Variants in TSPAN12 observed in about 807,000 individuals in gnomAD.
TSPAN12 encodes the protein tetraspanin 12, also known as tetraspanin-12.
TSPAN12 carries 19 observed loss-of-function variants against 39.2 expected under a neutral mutation model. That is an observed-to-expected ratio of 0.49 (90% confidence interval 0.34 to 0.71). TSPAN12 has a LOEUF of 0.71. Among genes scored for constraint, TSPAN12 ranks in the 30% least tolerant of loss-of-function variants. TSPAN12 has a pLI of 0.01. For synonymous variants in TSPAN12, 119 were observed against 124.8 expected (o/e 0.95, Z 0.31); for missense variants, 314 against 359.9 (o/e 0.87, Z 1.03).
chr7:120,810,396 T>A, intron 6 of TSPAN12, 67 bp downstream of exon 6: 2 of 1,022,278 alleles, frequency 2.0e-6, no homozygotes, highest in Non-Finnish European at 3.1e-6. Flanking sequence ...AGCTAAAGCT[T>A]TAAACATCTG....
rs1793441147 is a variant in TSPAN12 at position 120,787,984 on chromosome 7, AAC to A, written c.*606_*607del. 6.4e-6 allele frequency: 1 copy of A among 155,216 alleles called. No homozygotes were observed. The highest frequency in any genetic ancestry group is 2.4e-5 in the African/African-American group (1 of 41,468). The allele number at this position is 155,216 out of a possible 1,614,324, so 9.6% of individuals were successfully genotyped here. ...GAAATCGACTGAATTATACAGATTT[AAC>A]ACAGACTTATATACAAAAAATCCCT... On this transcript the variant is annotated 3_prime_UTR_variant, in exon 8 of 8. Coordinates refer to ENST00000222747, the MANE Select transcript of TSPAN12 (RefSeq NM_012338.4).
chr7:120,806,469 T>C, intron 7 of TSPAN12, 80 bp downstream of exon 7: 1 of 1,533,040 alleles, frequency 6.5e-7, no homozygotes, highest in Non-Finnish European at 8.9e-7. Flanking sequence ...AAGGAAAATT[T>C]CATTGGCATA....
intron 7 of TSPAN12, among the ~76,000 whole-genome samples, chr7:120,793,448 G>A (rs1793572645): frequency 6.6e-6 from 1 of 152,192 alleles, no homozygotes; most frequent in Non-Finnish European, 1.5e-5. Flanking sequence ...AGGTAGGCAA[G>A]TATGCTTTGT....
intron 4 of TSPAN12, among the ~76,000 whole-genome samples, chr7:120,819,703 T>C (rs114026363): frequency 0.028 from 4,260 of 152,238 alleles, 192 homozygotes; most frequent in African/African-American, 0.098. Flanking sequence ...CATCTAGTCT[T>C]CTAATTCCAA....
intron 6 of TSPAN12, among the ~76,000 whole-genome samples, chr7:120,808,479 C>T (rs554013956): frequency 6.6e-6 from 1 of 152,064 alleles, no homozygotes; most frequent in Non-Finnish European, 1.5e-5. Context: ...GATAGTACTA[C>T]TCTTGCTAAT....
At chr7:120,791,075 T>A (rs1793513153) in intron 7 of TSPAN12, among the ~76,000 whole-genome samples, 1 of 152,174 alleles carries the variant, frequency 6.6e-6, no homozygotes, top group African/African-American at 2.4e-5. Flanking sequence ...ATGCCTGTAA[T>A]CCCAGCACGT....
intron 3 of TSPAN12, 127 bp from the exon 4 acceptor site, chr7:120,839,039 G>A (rs1233253563): frequency 1.3e-5 from 12 of 944,084 alleles, no homozygotes; most frequent in Non-Finnish European, 1.2e-5. Flanking sequence ...ACTAGTGACT[G>A]CATTGTTATT....
chr7:120,841,672 C>T (rs377162730), intron 2 of TSPAN12, among the ~76,000 whole-genome samples: 9 of 151,752 alleles, frequency 5.9e-5, no homozygotes, highest in African/African-American at 1.9e-4. Context: ...GACTTATATA[C>T]TGAAGTAATT....
intron 2 of TSPAN12, among the ~76,000 whole-genome samples, chr7:120,846,623 A>G (rs1295199737): frequency 6.6e-6 from 1 of 152,178 alleles, no homozygotes; most frequent in African/African-American, 2.4e-5. Context: ...AAAATCATAT[A>G]TTGGTCACCC....
intron 1 of TSPAN12, chr7:120,857,152 A>G: frequency 6.3e-6 from 2 of 316,514 alleles, no homozygotes; most frequent in Non-Finnish European, 1.2e-5. Flanking sequence ...GCTCTTGAAA[A>G]CCTCCCTCAC....
chr7:120,852,279 A>G (rs1214159171), intron 2 of TSPAN12, among the ~76,000 whole-genome samples: 1 of 152,152 alleles, frequency 6.6e-6, no homozygotes, highest in Non-Finnish European at 1.5e-5. Flanking sequence ...ACTACTTAAA[A>G]TGCCAGTGGA....
At chr7:120,804,846 A>G (rs1793838616) in intron 7 of TSPAN12, among the ~76,000 whole-genome samples, 2 of 152,116 alleles carry the variant, frequency 1.3e-5, no homozygotes, top group South Asian at 4.1e-4. Flanking sequence ...AGACAAGGAA[A>G]ACACCATGTG....
chr7:120,825,019 A>G (rs1794258393), intron 4 of TSPAN12, among the ~76,000 whole-genome samples: 1 of 152,194 alleles, frequency 6.6e-6, no homozygotes, highest in Admixed American at 6.5e-5. Flanking sequence ...AAAGAAAACA[A>G]AAAACTCTGT....
chr7:120,853,885 AAAAG>A (rs2116511540), intron 2 of TSPAN12, among the ~76,000 whole-genome samples: 1 of 150,450 alleles, frequency 6.6e-6, no homozygotes, highest in East Asian at 1.9e-4. Flanking sequence ...AAAAAAAAAA[AAAAG>A]AAAAGAAAAG....
intron 7 of TSPAN12, among the ~76,000 whole-genome samples, chr7:120,793,397 T>C (rs570072791): frequency 1.1e-4 from 16 of 152,334 alleles, no homozygotes; most frequent in Non-Finnish European, 2.4e-4. Context: ...GGACTTGGTG[T>C]CCTTCCAGAT....
At chr7:120,791,185 T>G (rs1584918992) in intron 7 of TSPAN12, among the ~76,000 whole-genome samples, 1 of 151,878 alleles carries the variant, frequency 6.6e-6, no homozygotes, top group African/African-American at 2.4e-5. Context: ...AAAAATTAGC[T>G]GGGCATGGTG....
chr7:120,810,461 A>G lies in TSPAN12; in HGVS notation c.468+2T>C. The G allele has an allele frequency of 1.3e-6, 2 of 1,581,502 alleles. No individual in the cohort carries two copies. Among genetic ancestry groups the G allele is most frequent in the Middle Eastern group, 1.7e-4 (1 of 6,006 alleles). ...CTCTACCTCAGAAATTGTAGCACTTACCTCTCTCTGAAAAAAATTCCAAGC... is the reference window on the plus strand; with the variant it reads ...CTCTACCTCAGAAATTGTAGCACTTGCCTCTCTCTGAAAAAAATTCCAAGC... On this transcript the variant is annotated splice_donor_variant, in intron 6 of 7. Transcript: ENST00000222747. LOFTEE classifies it high-confidence loss of function.
At chr7:120,810,081 A>AT (rs1398625403) in intron 6 of TSPAN12, among the ~76,000 whole-genome samples, 2 of 151,980 alleles carry the variant, frequency 1.3e-5, no homozygotes, top group East Asian at 1.9e-4. Context: ...GAGAACAATC[A>AT]TTTTTTTTAA....
In TSPAN12 at chr7:120,806,606, T is replaced by C; in HGVS notation, c.555A>G (p.Glu185=). Residue 185 remains glutamate (E), a synonymous_variant, in exon 7 of 8, where the codon GAA becomes GAG. Transcript: ENST00000222747. ...DWPPDSCCVR[E]FPGCSKQAHQ... Reference sequence around the variant, plus strand: ...GGGCCTGTTTGGAACATCCTGGGAATTCTCTAACACAGCAGGAATCTGGGG... The same window carrying C: ...GGGCCTGTTTGGAACATCCTGGGAACTCTCTAACACAGCAGGAATCTGGGG... The C allele has an allele frequency of 6.2e-7, 1 of 1,613,572 alleles. No individual in the cohort carries two copies. The highest frequency in any genetic ancestry group is 8.5e-7 in the Non-Finnish European group (1 of 1,179,642).
Sources: allele counts gnomAD v4.1 joint callset (sites outside exome capture counted in the v4.1 genomes callset), GRCh38; gene constraint gnomAD v4.1.1; transcripts MANE v1.5; gene names NCBI Gene and HGNC (gene_info 2026-07-23, HGNC 2026-07-21).